Variants in UBE2D2 observed in about 807,000 individuals in gnomAD.
The protein encoded by UBE2D2 is ubiquitin conjugating enzyme E2 D2, also known as ubiquitin-conjugating enzyme E2 D2.
UBE2D2 carries 2 observed loss-of-function variants against 24.2 expected under a neutral mutation model. The ratio of observed to expected loss-of-function variants is 0.08; its 90% CI spans 0.03 to 0.26. UBE2D2 has a LOEUF of 0.26. Ranked by LOEUF, UBE2D2 falls within the 10% of genes least tolerant of loss-of-function variation. UBE2D2 has a pLI of 1.00. For synonymous variants in UBE2D2, 58 were observed against 56.5 expected, an observed-to-expected ratio of 1.03 and a Z score of -0.12; for missense variants, 44 against 177.6, an observed-to-expected ratio of 0.25 and a Z score of 4.28.
rs569039606 is a variant in UBE2D2 at position 139,593,049 on chromosome 5, G to A, written c.25-7323G>A. Among the ~76,000 whole-genome samples, 15 of 144,450 alleles carry A rather than the reference G, an allele frequency of 1.0e-4. No homozygotes were observed. The East Asian group carries it at 2.8e-3, about 27-fold the overall frequency. The allele number at this position is 144,450 out of a possible 152,430, so 94.8% of individuals were successfully genotyped here. ...CTCGCTCTGTTACCCAGGCTGGAGT[G>A]CAGTGGTGTGATCTCGGCTCACTGC... On this transcript the variant is annotated intron_variant, in intron 1 of 6. Coordinates refer to ENST00000398733, the MANE Select transcript of UBE2D2 (RefSeq NM_003339.3).
chr5:139,625,502 G>A (rs754383755), intron 6 of UBE2D2, among the ~76,000 whole-genome samples: 59 of 133,310 alleles, frequency 4.4e-4, no homozygotes, highest in Non-Finnish European at 7.3e-4. Flanking sequence ...GGAATGCAGT[G>A]GCACAATCAC....
intron 2 of UBE2D2, 104 bp from the exon 3 acceptor site, chr5:139,614,481 AT>A: frequency 7.7e-7 from 1 of 1,306,588 alleles, no homozygotes; most frequent in Admixed American, 1.9e-5. Context: ...TCATTATCAT[AT>A]TATTTATAAA....
chr5:139,581,906 A>T (rs1490779957), intron 1 of UBE2D2, among the ~76,000 whole-genome samples: 2 of 151,848 alleles, frequency 1.3e-5, no homozygotes, highest in Admixed American at 1.3e-4. Context: ...TGACCTTGTG[A>T]TCTGGCCGCC....
chr5:139,568,688 G>A (rs572315462), intron 1 of UBE2D2, among the ~76,000 whole-genome samples: 1 of 151,598 alleles, frequency 6.6e-6, no homozygotes, highest in Admixed American at 6.6e-5. Context: ...AAAAAATACT[G>A]TAGGCCGGGC....
At chr5:139,611,144 A>G (rs1413541671) in intron 2 of UBE2D2, among the ~76,000 whole-genome samples, 1 of 151,320 alleles carries the variant, frequency 6.6e-6, no homozygotes, top group East Asian at 1.9e-4. Context: ...TATAGAGGCA[A>G]TAAAGTAGTT....
intron 5 of UBE2D2, among the ~76,000 whole-genome samples, chr5:139,615,213 C>A (rs184008040): frequency 1.3e-5 from 2 of 152,048 alleles, no homozygotes; most frequent in African/African-American, 4.8e-5. Context: ...GGCCTGGTGC[C>A]GTGGCTCATG....
At chr5:139,549,409 G>T (rs147105350) in intron 1 of UBE2D2, among the ~76,000 whole-genome samples, 4 of 152,218 alleles carry the variant, frequency 2.6e-5, no homozygotes, top group African/African-American at 7.2e-5. Flanking sequence ...AGTTCCGGGT[G>T]CGCGGGGTCT....
Position 139,536,092 on chromosome 5 carries a change from A to G in UBE2D2, c.-64+9480A>G, listed in dbSNP as rs1038533705. On this transcript the variant is annotated intron_variant, in intron 1 of 6. Coordinates refer to the UBE2D2 transcript ENST00000511725. ...ATTTTTATTTATGTATTTATTTATT[A>G]TTTTATTTATTTATTTATTTATTTG... Among the ~76,000 whole-genome samples the G allele has an allele frequency of 2.0e-5, 3 of 149,900 alleles. No individual in the cohort carries two copies. In the East Asian group the frequency reaches 5.9e-4, roughly 29 times the overall value.
At chr5:139,602,709 C>T (rs756061343) in intron 2 of UBE2D2, among the ~76,000 whole-genome samples, 29 of 151,980 alleles carry the variant, frequency 1.9e-4, no homozygotes, top group Admixed American at 1.2e-3. Context: ...CAACAAAAAA[C>T]GGAAAAAAAG....
intron 2 of UBE2D2, among the ~76,000 whole-genome samples, chr5:139,601,110 G>A (rs1029671026): frequency 6.6e-6 from 1 of 152,090 alleles, no homozygotes; most frequent in Non-Finnish European, 1.5e-5. Flanking sequence ...GCCAAAAGCA[G>A]GTCTTTATTT....
intron 1 of UBE2D2, among the ~76,000 whole-genome samples, chr5:139,590,443 T>TAAAAAAAAA (rs1035963843): frequency 1.1e-5 from 1 of 95,042 alleles, no homozygotes. Flanking sequence ...TCAAAAAAAA[T>TAAAAAAAAA]AAAAAAAAAA....
chr5:139,621,281 C>T (rs1754510019), intron 5 of UBE2D2, among the ~76,000 whole-genome samples: 1 of 152,012 alleles, frequency 6.6e-6, no homozygotes, highest in African/African-American at 2.4e-5. Flanking sequence ...TATTTTAAAA[C>T]ATAAGTTAAT....
At chr5:139,571,245 A>C (rs1753346111) in intron 1 of UBE2D2, among the ~76,000 whole-genome samples, 1 of 151,902 alleles carries the variant, frequency 6.6e-6, no homozygotes, top group Admixed American at 6.6e-5. Flanking sequence ...CATCTCTACT[A>C]AAAATACAAA....
chr5:139,609,543 G>T (rs777092027), intron 2 of UBE2D2, among the ~76,000 whole-genome samples: 6 of 150,720 alleles, frequency 4.0e-5, no homozygotes, highest in Non-Finnish European at 8.9e-5. Flanking sequence ...GGCTAATTTT[G>T]TATTTTTAGT....
At chr5:139,573,592 A>G (rs1408496126) in intron 1 of UBE2D2, among the ~76,000 whole-genome samples, 4 of 152,122 alleles carry the variant, frequency 2.6e-5, no homozygotes, top group Non-Finnish European at 5.9e-5. Flanking sequence ...TTTTTCTGAA[A>G]AATGCCTGTT....
intron 1 of UBE2D2, among the ~76,000 whole-genome samples, chr5:139,591,771 C>T (rs1753850385): frequency 6.6e-6 from 1 of 152,082 alleles, no homozygotes; most frequent in Admixed American, 6.6e-5. Flanking sequence ...TAAATATTAG[C>T]TTAAGTGTTA....
intron 6 of UBE2D2, among the ~76,000 whole-genome samples, chr5:139,624,668 C>T (rs1754578141): frequency 6.6e-6 from 1 of 152,334 alleles, no homozygotes; most frequent in East Asian, 1.9e-4. Context: ...CACCTGTAAT[C>T]GCAGCTACTC....
intron 1 of UBE2D2, among the ~76,000 whole-genome samples, chr5:139,550,113 T>C (rs1752888530): frequency 6.6e-6 from 1 of 151,630 alleles, no homozygotes; most frequent in Admixed American, 6.6e-5. Flanking sequence ...CCTTTATGTC[T>C]AGCTAAAGGA....
intron 1 of UBE2D2, among the ~76,000 whole-genome samples, chr5:139,592,921 AAG>A (rs1561514008): frequency 6.7e-6 from 1 of 148,568 alleles, no homozygotes; most frequent in Non-Finnish European, 1.5e-5. Flanking sequence ...GTAATCTTAA[AAG>A]AGTTTCAGTA....
Sources: gnomAD v4.1 joint callset for allele counts (sites outside exome capture counted in the v4.1 genomes callset) on GRCh38, gnomAD v4.1.1 for gene constraint, MANE v1.5 for transcripts, NCBI Gene and HGNC (gene_info 2026-07-23, HGNC 2026-07-21) for gene names.